Variants in SHISA9 observed in about 807,000 individuals in gnomAD.
The protein encoded by SHISA9 is shisa family member 9, also known as protein shisa-9.
SHISA9 carries 13 observed loss-of-function variants against 38.0 expected under a neutral mutation model. That is an observed-to-expected ratio of 0.34 (90% CI 0.22 to 0.54). SHISA9 has a LOEUF of 0.54. SHISA9 is among the 20% of genes least tolerant of loss of function. The pLI is 0.91. For synonymous variants in SHISA9, 275 were observed against 242.0 expected (o/e 1.14, Z -1.27); for missense variants, 538 against 575.8 (o/e 0.93, Z 0.67).
the SHISA9 span, among the ~76,000 whole-genome samples, chr16:13,264,253 C>A: frequency 2.0e-5 from 3 of 150,916 alleles, no homozygotes; most frequent in Non-Finnish European, 4.4e-5. Flanking sequence ...TGGCTCTCTG[C>A]AACCTCCACC....
At chr16:12,978,792 T>C (rs550187529) in intron 2 of SHISA9, among the ~76,000 whole-genome samples, 1 of 152,320 alleles carries the variant, frequency 6.6e-6, no homozygotes, top group Non-Finnish European at 1.5e-5. Context: ...CTTAAAAATA[T>C]ATGGATTGAT....
chr16:13,528,820 A>T, the SHISA9 span, among the ~76,000 whole-genome samples: 5 of 152,352 alleles, frequency 3.3e-5, no homozygotes, highest in African/African-American at 1.2e-4. Context: ...CATATGCTCA[A>T]TAAAAGTGGT....
the SHISA9 span, among the ~76,000 whole-genome samples, chr16:13,488,191 T>C: frequency 6.6e-6 from 1 of 151,856 alleles, no homozygotes; most frequent in Non-Finnish European, 1.5e-5. Context: ...CTCCCGACCA[T>C]TCTTCCCCCC....
chr16:13,421,528 G>A, the SHISA9 span, among the ~76,000 whole-genome samples: 1 of 152,106 alleles, frequency 6.6e-6, no homozygotes, highest in East Asian at 1.9e-4. Context: ...TTCAAATTAT[G>A]TCCCACTGGA....
the SHISA9 span, among the ~76,000 whole-genome samples, chr16:13,302,308 T>C: frequency 1.5e-3 from 222 of 152,296 alleles, 1 homozygote; most frequent in East Asian, 6.6e-3. Flanking sequence ...TGTGAGTGCA[T>C]GCGTCTATAT....
intron 3 of SHISA9, among the ~76,000 whole-genome samples, chr16:13,206,315 A>G (rs941326037): frequency 6.6e-6 from 1 of 152,062 alleles, no homozygotes; most frequent in Non-Finnish European, 1.5e-5. Flanking sequence ...TTTATTATCA[A>G]CTGTTCATCC....
the SHISA9 span, among the ~76,000 whole-genome samples, chr16:13,397,797 CT>C: frequency 0.028 from 4,258 of 152,282 alleles, 89 homozygotes; most frequent in Middle Eastern, 0.071. Context: ...AATTAGACCC[CT>C]GCTTTATCAC....
Position 13,058,168 on chromosome 16 carries a change from T to A in SHISA9, c.691+141353T>A, listed in dbSNP as rs576397017. 1.1e-4 allele frequency among the ~76,000 whole-genome samples: 17 copies of A among 152,276 alleles called. No individual in the cohort carries two copies. The South Asian group carries it at 1.5e-3, about 13-fold the overall frequency. ...AAGCCCAGGCATATGAACTTTTTTT[T>A]AAAAAGATGCTTTTCCAGTGATTGA... On this transcript the variant is annotated intron_variant, in intron 2 of 4. Transcript: ENST00000558583.
At chr16:13,167,917 G>A (rs2050651979) in intron 2 of SHISA9, among the ~76,000 whole-genome samples, 1 of 152,102 alleles carries the variant, frequency 6.6e-6, no homozygotes, top group African/African-American at 2.4e-5. Flanking sequence ...GATTTCCTGT[G>A]TTGTTCTATG....
chr16:12,963,091 C>T (rs1034671918), intron 2 of SHISA9, among the ~76,000 whole-genome samples: 6 of 152,178 alleles, frequency 3.9e-5, no homozygotes, highest in East Asian at 1.9e-4. Flanking sequence ...TGCTTAGGTT[C>T]GCCACAGTTG....
chr16:13,374,888 G>T, the SHISA9 span, among the ~76,000 whole-genome samples: 3 of 152,302 alleles, frequency 2.0e-5, no homozygotes, highest in East Asian at 5.8e-4. Context: ...TCTCATTGTG[G>T]TTTTGAGTTG....
chr16:13,437,699 C>G, the SHISA9 span, among the ~76,000 whole-genome samples: 1 of 152,104 alleles, frequency 6.6e-6, no homozygotes. Context: ...GAGCATTTCT[C>G]AAGTCATTAT....
the SHISA9 span, among the ~76,000 whole-genome samples, chr16:13,349,466 A>G: frequency 6.6e-6 from 1 of 152,210 alleles, no homozygotes; most frequent in African/African-American, 2.4e-5. Flanking sequence ...GGTTCCTGAG[A>G]ACACTGGAAT....
the SHISA9 span, among the ~76,000 whole-genome samples, chr16:13,383,495 G>A: frequency 0.014 from 2,091 of 152,242 alleles, 41 homozygotes; most frequent in African/African-American, 0.046. Context: ...GCTTATATGC[G>A]TGCATAGGTA....
At chr16:13,397,469 C>T in the SHISA9 span, among the ~76,000 whole-genome samples, 41 of 152,258 alleles carry the variant, frequency 2.7e-4, no homozygotes, top group African/African-American at 7.2e-4. Context: ...CTCTGCTGCC[C>T]GCCCCGCTGG....
intron 2 of SHISA9, among the ~76,000 whole-genome samples, chr16:13,067,520 A>G (rs1481028758): frequency 2.6e-5 from 4 of 152,214 alleles, no homozygotes; most frequent in Admixed American, 6.5e-5. Context: ...GCCAAGGCCA[A>G]TGTGTTCTAT....
the SHISA9 span, among the ~76,000 whole-genome samples, chr16:13,438,294 C>G: frequency 6.6e-6 from 1 of 152,128 alleles, no homozygotes; most frequent in South Asian, 2.1e-4. Flanking sequence ...GAGGTTTAGA[C>G]GAGGTTAAGT....
At chr16:13,330,984 C>A in the SHISA9 span, among the ~76,000 whole-genome samples, 17 of 152,186 alleles carry the variant, frequency 1.1e-4, no homozygotes, top group Admixed American at 1.1e-3. Context: ...TAGCGCCCAG[C>A]CTATCTCAGA....
the SHISA9 span, among the ~76,000 whole-genome samples, chr16:13,416,390 C>A: frequency 6.6e-6 from 1 of 152,176 alleles, no homozygotes; most frequent in Non-Finnish European, 1.5e-5. Context: ...AACACATAAG[C>A]ACTAGAGTAC....
Sources: gnomAD v4.1 joint callset for allele counts (sites outside exome capture counted in the v4.1 genomes callset) on GRCh38, gnomAD v4.1.1 for gene constraint, MANE v1.5 for transcripts, NCBI Gene and HGNC (gene_info 2026-07-23, HGNC 2026-07-21) for gene names.